Variants in AOAH observed in about 807,000 individuals in gnomAD.
The protein encoded by AOAH is acyloxyacyl hydrolase (neutrophil).
In AOAH, 64 loss-of-function variants were observed where a neutral mutation model predicts 92.2. The observed-to-expected ratio is 0.69, with a 90% CI of 0.57 to 0.86. The LOEUF is 0.86. Among genes scored for constraint, AOAH ranks in the 40% least tolerant of loss-of-function variants. AOAH has a pLI of 0.00. For missense variants in AOAH, 656 were observed against 694.6 expected (o/e 0.94, Z 0.62); for synonymous variants, 263 against 254.5 (o/e 1.03, Z -0.32).
chr7:36,678,598 T>C (rs542828280), intron 2 of AOAH, among the ~76,000 whole-genome samples: 38,556 of 126,926 alleles, frequency 0.3, 6,275 homozygotes, highest in African/African-American at 0.49. Flanking sequence ...TGTGTGTGTG[T>C]GTGCGCGCGC....
At chr7:36,592,361 G>A (rs1263203140) in intron 12 of AOAH, among the ~76,000 whole-genome samples, 1 of 152,150 alleles carries the variant, frequency 6.6e-6, no homozygotes, top group East Asian at 1.9e-4. Flanking sequence ...CTGAGGCTAG[G>A]ACTCAGAAAG....
chr7:36,606,846 T>C (rs1791042972), intron 11 of AOAH, among the ~76,000 whole-genome samples: 1 of 152,210 alleles, frequency 6.6e-6, no homozygotes, highest in Non-Finnish European at 1.5e-5. Context: ...AGGTCTTTCT[T>C]GTGGCGTGAG....
At chr7:36,553,051 G>A (rs1272386476) in intron 13 of AOAH, among the ~76,000 whole-genome samples, 2 of 149,932 alleles carry the variant, frequency 1.3e-5, no homozygotes, top group Non-Finnish European at 3.0e-5. Flanking sequence ...CATCTGCCAT[G>A]CTGGTGCGCT....
intron 20 of AOAH, among the ~76,000 whole-genome samples, chr7:36,520,566 G>T (rs1003685488): frequency 1.3e-5 from 2 of 152,198 alleles, no homozygotes; most frequent in Admixed American, 1.3e-4. Flanking sequence ...TTAGCCAGGT[G>T]TGGTGGCGCA....
At chr7:36,713,660 C>G (rs1192407389) in intron 1 of AOAH, among the ~76,000 whole-genome samples, 2 of 152,192 alleles carry the variant, frequency 1.3e-5, no homozygotes, top group Admixed American at 1.3e-4. Context: ...AACTAGAACT[C>G]AGGATTAAGA....
intron 1 of AOAH, among the ~76,000 whole-genome samples, chr7:36,719,281 T>G (rs1017923040): frequency 3.3e-5 from 5 of 152,208 alleles, no homozygotes; most frequent in African/African-American, 1.2e-4. Context: ...TGAAGAGCAC[T>G]TGGCTGTAGT....
chr7:36,515,527 C>CACCACACA (rs1491549348), intron 20 of AOAH, among the ~76,000 whole-genome samples: 1 of 10,656 alleles, frequency 9.4e-5, no homozygotes, highest in African/African-American at 1.6e-4. Context: ...ACCACACACA[C>CACCACACA]CACACCCTTC....
At position 36,543,620 on chromosome 7, in the gene AOAH, C is replaced by T. The variant is rs181950320; in HGVS notation, c.1134-3129G>A. Reference sequence around the variant, plus strand: ...TTAGAGGCACAGCCCTGATGCTAAACGAAGAATCTGAGCTAATTTGTATTT... The same window carrying T: ...TTAGAGGCACAGCCCTGATGCTAAATGAAGAATCTGAGCTAATTTGTATTT... On this transcript the variant is annotated intron_variant, in intron 15 of 20. Coordinates refer to ENST00000617537, the MANE Select transcript of AOAH (RefSeq NM_001637.4). Among the ~76,000 whole-genome samples, 954 of 151,996 alleles carry T rather than the reference C, an allele frequency of 6.3e-3. 2 individuals are homozygous for T. Among genetic ancestry groups the T allele is most frequent in the South Asian group, 0.018 (85 of 4,824 alleles).
intron 7 of AOAH, among the ~76,000 whole-genome samples, chr7:36,622,941 G>C (rs1792388168): frequency 3.3e-5 from 5 of 152,178 alleles, no homozygotes; most frequent in Non-Finnish European, 7.3e-5. Context: ...AGCTACTTGG[G>C]AGGCACGAGA....
intron 1 of AOAH, among the ~76,000 whole-genome samples, chr7:36,695,366 C>G (rs1797650896): frequency 6.6e-6 from 1 of 152,186 alleles, no homozygotes; most frequent in Non-Finnish European, 1.5e-5. Flanking sequence ...TAGCTGCCTT[C>G]TACCTTAATA....
chr7:36,570,145 A>T (rs1241915832), intron 13 of AOAH, among the ~76,000 whole-genome samples: 2 of 152,178 alleles, frequency 1.3e-5, no homozygotes, highest in Non-Finnish European at 2.9e-5. Context: ...ATTTTAAACC[A>T]GTTGAACATC....
At chr7:36,574,770 G>A (rs755216042) in intron 13 of AOAH, among the ~76,000 whole-genome samples, 3 of 151,954 alleles carry the variant, frequency 2.0e-5, no homozygotes, top group Admixed American at 6.6e-5. Flanking sequence ...ACAGAAAAGC[G>A]GAAAAAAATG....
chr7:36,609,944 T>C (rs1791314907), intron 11 of AOAH, among the ~76,000 whole-genome samples: 1 of 151,842 alleles, frequency 6.6e-6, no homozygotes, highest in Admixed American at 6.6e-5. Context: ...GACATTTTGT[T>C]TACACTTGCC....
Position 36,576,646 on chromosome 7 carries a change from T to C in AOAH, c.949A>G (p.Lys317Glu). The change falls in exon 13 of 21, where the codon AAA (lysine) becomes GAA (glutamate). Residue 317 changes from lysine to glutamate, a missense_variant. Physicochemically the swap from Lys to Glu is moderately conservative, Grantham distance 56. Coordinates refer to ENST00000617537, the MANE Select transcript of AOAH (RefSeq NM_001637.4). ...TTCCATAAGCGAAGGTAAATAGATT[T>C]TTCTTTAATTCTGAAACAAATATAT... ...FLDSTVGIKE[K>E]SIYLRLWKRN... 1 of 1,550,480 alleles carries C rather than the reference T, an allele frequency of 6.4e-7. No homozygotes were observed. Among genetic ancestry groups the C allele is most frequent in the African/African-American group, 1.4e-5 (1 of 72,796 alleles).
At chr7:36,669,143 G>A (rs1013271477) in intron 3 of AOAH, among the ~76,000 whole-genome samples, 1 of 152,094 alleles carries the variant, frequency 6.6e-6, no homozygotes, top group African/African-American at 2.4e-5. Flanking sequence ...GGGGAATAGA[G>A]CCTTTTTCAC....
chr7:36,581,407 G>A (rs900025199), intron 12 of AOAH, among the ~76,000 whole-genome samples: 1 of 152,234 alleles, frequency 6.6e-6, no homozygotes, highest in Non-Finnish European at 1.5e-5. Flanking sequence ...AGATGTAAGT[G>A]CTTGTGTTCA....
chr7:36,690,775 T>G (rs919975080), intron 1 of AOAH, among the ~76,000 whole-genome samples: 3 of 151,896 alleles, frequency 2.0e-5, no homozygotes, highest in Non-Finnish European at 1.5e-5. Flanking sequence ...AAATAATGAG[T>G]ACAATAGAAA....
At chr7:36,522,156 C>T in intron 19 of AOAH, 41 bp from the exon 20 acceptor site, 1 of 1,588,962 alleles carries the variant, frequency 6.3e-7, no homozygotes. Flanking sequence ...CACACTTGCA[C>T]AAGCAACGGC....
intron 13 of AOAH, among the ~76,000 whole-genome samples, chr7:36,553,901 A>G (rs1786476366): frequency 6.6e-6 from 1 of 152,174 alleles, no homozygotes; most frequent in African/African-American, 2.4e-5. Context: ...TCAGATGAGT[A>G]GGTTGGGAAA....
Sources: allele counts gnomAD v4.1 joint callset (sites outside exome capture counted in the v4.1 genomes callset), GRCh38; gene constraint gnomAD v4.1.1; transcripts MANE v1.5; gene names NCBI Gene and HGNC (gene_info 2026-07-23, HGNC 2026-07-21).